RBPMS: variants seen among roughly 807,000 people sequenced by gnomAD.
The protein encoded by RBPMS is RNA binding protein, mRNA processing factor.
A neutral mutation model predicts 26.8 loss-of-function variants in RBPMS; 7 were observed. The ratio of observed to expected loss-of-function variants is 0.26; its 90% CI spans 0.15 to 0.49. The LOEUF is 0.49. Ranked by LOEUF, RBPMS falls within the 20% of genes least tolerant of loss-of-function variation. RBPMS has a pLI of 0.98. For missense variants in RBPMS, 186 were observed against 250.0 expected (o/e 0.74, Z 1.73); for synonymous variants, 96 against 93.3 (o/e 1.03, Z -0.17).
Position 30,544,617 on chromosome 8 carries a change from A to C in RBPMS, c.521A>C (p.His174Pro). The stretch of plus-strand genomic sequence containing the variant: ...GCTTTCACCTATCCCGCTTCACTGC[A>C]TGCCCAGGTAATTGATACCCATCGG... ...PPAFTYPASL[H>P]AQMRWLPPSE... Residue 174 changes from histidine (H) to proline (P), a missense_variant, in exon 6 of 9, where the codon CAT becomes CCT. His to Pro is a moderately conservative substitution (Grantham distance 77). Transcript: ENST00000397323. 6.2e-7 allele frequency: 1 copy of C among 1,614,062 alleles called. No homozygotes were observed. Among genetic ancestry groups the C allele is most frequent in the Non-Finnish European group, 8.5e-7 (1 of 1,180,024 alleles).
intron 1 of RBPMS, among the ~76,000 whole-genome samples, chr8:30,435,456 G>A (rs1027140977): frequency 7.9e-5 from 12 of 152,202 alleles, no homozygotes; most frequent in Non-Finnish European, 1.8e-4. Flanking sequence ...GTTGCCTGTT[G>A]ATTTGGTTAA....
chr8:30,516,846 T>G (rs917265115), intron 5 of RBPMS, among the ~76,000 whole-genome samples: 1 of 151,818 alleles, frequency 6.6e-6, no homozygotes, highest in African/African-American at 2.4e-5. Context: ...GTGTATCTTG[T>G]CTGTGAATGG....
intron 6 of RBPMS, chr8:30,547,260 A>G (rs376750311): frequency 6.9e-7 from 1 of 1,455,996 alleles, no homozygotes; most frequent in Non-Finnish European, 9.5e-7. Flanking sequence ...GTTATGCTCT[A>G]TTTTGAGACA....
At chr8:30,521,508 T>G (rs1823015742) in intron 5 of RBPMS, among the ~76,000 whole-genome samples, 1 of 152,236 alleles carries the variant, frequency 6.6e-6, no homozygotes, top group South Asian at 2.1e-4. Context: ...GGCAGAAAGA[T>G]TGAAACGTAG....
chr8:30,432,166 G>T (rs1812014233), intron 1 of RBPMS, among the ~76,000 whole-genome samples: 1 of 152,128 alleles, frequency 6.6e-6, no homozygotes, highest in Admixed American at 6.5e-5. Context: ...ACATTTCAAA[G>T]ACTTTTTCTT....
chr8:30,480,031 A>C (rs750794814), intron 4 of RBPMS, among the ~76,000 whole-genome samples: 5 of 152,142 alleles, frequency 3.3e-5, no homozygotes, highest in Non-Finnish European at 7.3e-5. Flanking sequence ...ATGTTGAAAA[A>C]CTAAACAATT....
At chr8:30,466,211 T>C (rs978929437) in intron 1 of RBPMS, among the ~76,000 whole-genome samples, 3 of 152,162 alleles carry the variant, frequency 2.0e-5, no homozygotes, top group Admixed American at 6.5e-5. Flanking sequence ...TAATTATTAA[T>C]ATATGGATGG....
chr8:30,545,412 G>C (rs1825791441), intron 6 of RBPMS: 2 of 1,046,092 alleles, frequency 1.9e-6, no homozygotes, highest in Non-Finnish European at 2.3e-6. Flanking sequence ...CACCTCTGGA[G>C]ATCACCACTC....
At chr8:30,487,898 G>A (rs868108763) in intron 4 of RBPMS, among the ~76,000 whole-genome samples, 2 of 152,014 alleles carry the variant, frequency 1.3e-5, no homozygotes, top group Admixed American at 6.6e-5. Flanking sequence ...GAAAAACCAA[G>A]TGATGCTTTG....
At chr8:30,433,109 C>G (rs1293320661) in intron 1 of RBPMS, among the ~76,000 whole-genome samples, 1 of 152,210 alleles carries the variant, frequency 6.6e-6, no homozygotes, top group Non-Finnish European at 1.5e-5. Flanking sequence ...TCACTCCCCC[C>G]AAACTTGACT....
At chr8:30,527,349 G>A (rs1173336625) in intron 5 of RBPMS, among the ~76,000 whole-genome samples, 2 of 152,104 alleles carry the variant, frequency 1.3e-5, no homozygotes, top group African/African-American at 4.8e-5. Flanking sequence ...AACCTTTTCT[G>A]GGGTCTCCCA....
rs950071652 is a variant in RBPMS, at chr8:30,556,085, CTG to C, written c.529-2799_529-2798del. On this transcript the variant is annotated intron_variant, in intron 6 of 8. Transcript: ENST00000397323. ...TGGAAGAGGAGGCAGCCGTGGGTGTCTGTGGATGCGGTGAGAAGAGCCCCCCA... is the reference window on the plus strand; with the variant it reads ...TGGAAGAGGAGGCAGCCGTGGGTGTCTGGATGCGGTGAGAAGAGCCCCCCA... The C allele has an allele frequency of 6.1e-6, 6 of 985,302 alleles. No homozygotes were observed. The African/African-American group carries it at 1.0e-4, about 17-fold the overall frequency. The allele number at this position is 985,302 out of a possible 1,614,324, so 61.0% of individuals were successfully genotyped here.
chr8:30,552,946 G>C (rs1209852882), intron 6 of RBPMS: 2 of 152,276 alleles, frequency 1.3e-5, no homozygotes, highest in African/African-American at 4.8e-5. Context: ...ATCGTGACTG[G>C]AAGATCCGGC....
rs36017963 is a variant in RBPMS at position 30,519,458 on chromosome 8, CTTTTTTTTT to C, written c.397+15056_397+15064del. Among the ~76,000 whole-genome samples, 20 of 89,492 alleles carry C rather than the reference CTTTTTTTTT, an allele frequency of 2.2e-4. 2 individuals carry two copies. Among genetic ancestry groups the C allele is most frequent in the African/African-American group, 7.0e-4 (16 of 22,860 alleles). The allele number at this position is 89,492 out of a possible 152,430, so 58.7% of individuals were successfully genotyped here. A position where few individuals can be genotyped will look rare whatever the true frequency, so the allele number is the denominator to read the frequency against. ...TCACCCTACGTGGGAGGATCTCTCT[CTTTTTTTTT>C]TTTTTTTTTTTTTTTTTTTTTTTTT... On this transcript the variant is annotated intron_variant, in intron 5 of 8. Transcript: ENST00000397323.
chr8:30,415,464 G>C (rs1809953974), intron 1 of RBPMS, among the ~76,000 whole-genome samples: 1 of 152,314 alleles, frequency 6.6e-6, no homozygotes, highest in African/African-American at 2.4e-5. Flanking sequence ...CCACTTGCCA[G>C]ATGGTCTCAT....
At chr8:30,462,913 G>C (rs1265351079) in intron 1 of RBPMS, among the ~76,000 whole-genome samples, 1 of 152,102 alleles carries the variant, frequency 6.6e-6, no homozygotes. Flanking sequence ...AAGGTAGACA[G>C]AGTGATGGTA....
Position 30,413,984 on chromosome 8 carries a change from C to T in RBPMS, c.66+28826C>T, listed in dbSNP as rs1213347194. Among the ~76,000 whole-genome samples, 11 of 152,116 alleles carry T rather than the reference C, an allele frequency of 7.2e-5. No homozygotes were observed. In the East Asian group the frequency reaches 7.7e-4, roughly 11 times the overall value. On this transcript the variant is annotated intron_variant, in intron 1 of 8. Transcript: ENST00000397323. ...CTTGAACTCCTGACCTCAGGTGATCCGCCCACCTCAGCCTCCCAAAGTGCT... is the reference window on the plus strand; with the variant it reads ...CTTGAACTCCTGACCTCAGGTGATCTGCCCACCTCAGCCTCCCAAAGTGCT...
intron 1 of RBPMS, among the ~76,000 whole-genome samples, chr8:30,465,810 C>T (rs1265570498): frequency 6.6e-6 from 1 of 152,116 alleles, no homozygotes; most frequent in African/African-American, 2.4e-5. Flanking sequence ...AAAGTCCTAT[C>T]AGAATTAGAG....
intron 1 of RBPMS, chr8:30,453,779 A>G (rs1376503523): frequency 6.6e-6 from 1 of 152,188 alleles, no homozygotes; most frequent in Non-Finnish European, 1.5e-5. Flanking sequence ...AGGAGCTTTC[A>G]AGGGCCACAA....
Sources: gnomAD v4.1 joint callset for allele counts (sites outside exome capture counted in the v4.1 genomes callset) on GRCh38, gnomAD v4.1.1 for gene constraint, MANE v1.5 for transcripts, NCBI Gene and HGNC (gene_info 2026-07-23, HGNC 2026-07-21) for gene names.